Variants in LRRTM3 observed in about 807,000 individuals in gnomAD.
The protein encoded by LRRTM3 is leucine-rich repeat transmembrane neuronal protein 3.
Under a neutral mutation model 44.7 loss-of-function variants are expected in LRRTM3, and 24 were observed. That is an observed-to-expected ratio of 0.54 (90% CI 0.39 to 0.76). The LOEUF (loss-of-function observed/expected upper bound fraction) is 0.76. Among genes scored for constraint, LRRTM3 ranks in the 30% least tolerant of loss-of-function variants. The pLI is 0.00. For missense variants in LRRTM3, 587 were observed against 702.2 expected (o/e 0.84, Z 1.85); for synonymous variants, 277 against 278.7 (o/e 0.99, Z 0.06).
intron 2 of LRRTM3, among the ~76,000 whole-genome samples, chr10:67,044,585 G>A (rs1234778240): frequency 1.3e-5 from 2 of 152,126 alleles, no homozygotes; most frequent in South Asian, 2.1e-4. Flanking sequence ...CTATCCCTCT[G>A]TCTCAGAGAC....
intron 2 of LRRTM3, among the ~76,000 whole-genome samples, chr10:66,932,768 C>A (rs1488557683): frequency 6.6e-6 from 1 of 151,964 alleles, no homozygotes; most frequent in African/African-American, 2.4e-5. Flanking sequence ...AGAATTGGAC[C>A]CAAATTCTTT....
intron 2 of LRRTM3, among the ~76,000 whole-genome samples, chr10:67,040,497 T>C (rs1854325742): frequency 6.6e-6 from 1 of 152,138 alleles, no homozygotes; most frequent in African/African-American, 2.4e-5. Context: ...GCCAGCACAC[T>C]GCTTCTACCC....
Position 67,098,941 on chromosome 10 carries a change from T to C in LRRTM3, c.*1145T>C, listed in dbSNP as rs1326444023. ...AAACATTTCAAAGGAAACATATGAA[T>C]TTGTTTTGCGTTGTGCACTACATCA... On this transcript the variant is annotated 3_prime_UTR_variant, in exon 3 of 3. Transcript: ENST00000361320. The C allele has an allele frequency of 1.3e-5, 2 of 151,886 alleles. No homozygotes were observed. Among genetic ancestry groups the C allele is most frequent in the Non-Finnish European group, 2.9e-5 (2 of 67,888 alleles). 9.4% of individuals were successfully genotyped at this position (151,886 alleles called of 1,614,324 possible).
At chr10:66,963,948 G>C (rs952100038) in intron 2 of LRRTM3, among the ~76,000 whole-genome samples, 2 of 151,756 alleles carry the variant, frequency 1.3e-5, no homozygotes, top group Non-Finnish European at 2.9e-5. Context: ...GTTCAAGCAA[G>C]CAATTCTCCT....
intron 2 of LRRTM3, among the ~76,000 whole-genome samples, chr10:67,030,096 C>T (rs1853626619): frequency 1.3e-5 from 2 of 152,148 alleles, no homozygotes; most frequent in South Asian, 4.1e-4. Context: ...GTATTTTAAT[C>T]ATCAAAATAA....
At chr10:67,041,415 C>T (rs1854388826) in intron 2 of LRRTM3, among the ~76,000 whole-genome samples, 1 of 152,056 alleles carries the variant, frequency 6.6e-6, no homozygotes, top group Non-Finnish European at 1.5e-5. Flanking sequence ...TTAGTATTAA[C>T]TGTATACCTA....
At chr10:67,019,317 C>T (rs1296679330) in intron 2 of LRRTM3, among the ~76,000 whole-genome samples, 1 of 152,162 alleles carries the variant, frequency 6.6e-6, no homozygotes, top group East Asian at 1.9e-4. Flanking sequence ...CTTCCGGGTC[C>T]AAGCGCTTCT....
chr10:67,001,228 G>T (rs1480164705), intron 2 of LRRTM3, among the ~76,000 whole-genome samples: 2 of 150,238 alleles, frequency 1.3e-5, no homozygotes, highest in Admixed American at 6.6e-5. Context: ...TTGAACCAGG[G>T]ACTCGGAGGT....
intron 2 of LRRTM3, among the ~76,000 whole-genome samples, chr10:66,958,308 CAAAAA>C (rs35076056): frequency 0.025 from 2,200 of 86,878 alleles, 42 homozygotes; most frequent in African/African-American, 0.086. Flanking sequence ...TGCTTTCTTG[CAAAAA>C]AAAAAAAAAA....
At chr10:66,950,745 C>G (rs1223016316) in intron 2 of LRRTM3, among the ~76,000 whole-genome samples, 3 of 152,108 alleles carry the variant, frequency 2.0e-5, no homozygotes, top group Non-Finnish European at 4.4e-5. Flanking sequence ...ATTTATTCAG[C>G]TGCAACTATT....
intron 2 of LRRTM3, among the ~76,000 whole-genome samples, chr10:67,024,334 C>T (rs900126423): frequency 6.6e-6 from 1 of 152,184 alleles, no homozygotes; most frequent in Non-Finnish European, 1.5e-5. Flanking sequence ...TTACCATGAC[C>T]TTCCTGCCTC....
intron 2 of LRRTM3, among the ~76,000 whole-genome samples, chr10:66,937,163 T>A (rs1030505127): frequency 6.6e-6 from 1 of 152,110 alleles, no homozygotes; most frequent in African/African-American, 2.4e-5. Flanking sequence ...CAACTTTGTA[T>A]ACCAGAAAGA....
intron 2 of LRRTM3, among the ~76,000 whole-genome samples, chr10:66,935,696 A>G (rs1231724326): frequency 6.6e-6 from 1 of 151,990 alleles, no homozygotes; most frequent in African/African-American, 2.4e-5. Context: ...TTTTGGTATA[A>G]TTGAGTCCTT....
chr10:67,033,056 G>A (rs910562239), intron 2 of LRRTM3, among the ~76,000 whole-genome samples: 1 of 152,042 alleles, frequency 6.6e-6, no homozygotes, highest in Non-Finnish European at 1.5e-5. Flanking sequence ...AAAGATAACA[G>A]CTATTTTTTT....
At position 66,978,536 on chromosome 10, in the gene LRRTM3, A is replaced by ATAAAATAAAATAAAAAT. The variant is rs1429128054; in HGVS notation, c.1536+50084_1536+50085insTAAAATAAAATAAAAAT. Among the ~76,000 whole-genome samples, 759 of 94,270 alleles carry ATAAAATAAAATAAAAAT rather than the reference A, an allele frequency of 8.1e-3. 12 individuals carry two copies. Among genetic ancestry groups the ATAAAATAAAATAAAAAT allele is most frequent in the Non-Finnish European group, 0.013 (611 of 45,796 alleles). The allele number at this position is 94,270 out of a possible 152,430, so 61.8% of individuals were successfully genotyped here. A position where few individuals can be genotyped will look rare whatever the true frequency, so the allele number is the denominator to read the frequency against. On this transcript the variant is annotated intron_variant, in intron 2 of 2. Coordinates refer to ENST00000361320, the MANE Select transcript of LRRTM3 (RefSeq NM_178011.5). ...AGTGAGACTCCATCTCAAAAAAAAAAAAAAAAAAAAAAAAAAATATATATA... is the reference window on the plus strand; with the variant it reads ...AGTGAGACTCCATCTCAAAAAAAAAATAAAATAAAATAAAAATAAAAAAAAAAAAAAAAATATATATA...
intron 2 of LRRTM3, among the ~76,000 whole-genome samples, chr10:66,931,314 A>G (rs1360204727): frequency 6.6e-6 from 1 of 151,730 alleles, no homozygotes; most frequent in African/African-American, 2.4e-5. Context: ...GTTTTTTTCC[A>G]TTTTTATTAA....
intron 2 of LRRTM3, among the ~76,000 whole-genome samples, chr10:67,066,527 G>C (rs1394314976): frequency 8.4e-6 from 1 of 119,720 alleles, no homozygotes. Flanking sequence ...TAGTCATGCA[G>C]TTCTTGACAA....
At chr10:67,038,521 T>C (rs1854205496) in intron 2 of LRRTM3, among the ~76,000 whole-genome samples, 1 of 152,122 alleles carries the variant, frequency 6.6e-6, no homozygotes. Flanking sequence ...GGTTGATATA[T>C]ATTCTGATAT....
chr10:67,074,127 A>C (rs1469244339), intron 2 of LRRTM3, among the ~76,000 whole-genome samples: 1 of 135,246 alleles, frequency 7.4e-6, no homozygotes, highest in East Asian at 2.2e-4. Flanking sequence ...CCTCCTCCCG[A>C]GTTGAAGAGA....
Sources: allele counts gnomAD v4.1 joint callset (sites outside exome capture counted in the v4.1 genomes callset), GRCh38; gene constraint gnomAD v4.1.1; transcripts MANE v1.5; gene names NCBI Gene and HGNC (gene_info 2026-07-23, HGNC 2026-07-21).